Variants in RFX2 observed in about 807,000 individuals in gnomAD.
RFX2 encodes DNA-binding protein RFX2.
Under a neutral mutation model 87.8 loss-of-function variants are expected in RFX2, and 20 were observed. That is an observed-to-expected ratio of 0.23 (90% CI 0.16 to 0.33). The LOEUF is 0.33. RFX2 is among the 10% of genes least tolerant of loss of function. The pLI is 1.00. For synonymous variants in RFX2, 397 were observed against 431.3 expected, an observed-to-expected ratio of 0.92 and a Z score of 0.98; for missense variants, 767 against 1,012.3, an observed-to-expected ratio of 0.76 and a Z score of 3.29.
chr19:6,083,486 C>A lies in RFX2; in HGVS notation c.-9+26907G>T, dbSNP rs1393402280. Among the ~76,000 whole-genome samples the A allele has an allele frequency of 1.3e-5, 2 of 150,678 alleles. No individual in the cohort carries two copies. Among genetic ancestry groups the A allele is most frequent in the East Asian group, 3.9e-4 (2 of 5,148 alleles). On this transcript the variant is annotated intron_variant, in intron 1 of 17. Coordinates refer to ENST00000303657, the MANE Select transcript of RFX2 (RefSeq NM_000635.4). The surrounding 1 kb of genome is among the most constrained non-coding windows in gnomAD (Gnocchi z 4.6). ...AAAAACGCAAAAAATATTCTCAACT[C>A]GTGGAAACTAAAAACAAAAATAAAA...
chr19:6,034,096 G>A (rs1430999987), intron 5 of RFX2, among the ~76,000 whole-genome samples: 2 of 152,160 alleles, frequency 1.3e-5, no homozygotes, highest in Non-Finnish European at 2.9e-5. Context: ...TAGAGACAGA[G>A]TCTTGCTCTG....
chr19:6,041,595 T>G (rs1022659250), intron 4 of RFX2, among the ~76,000 whole-genome samples: 2 of 147,486 alleles, frequency 1.4e-5, no homozygotes, highest in African/African-American at 5.3e-5. Context: ...GAATGAAGAG[T>G]TAGGATTAGC....
chr19:6,035,591 A>G (rs911900982), intron 5 of RFX2, among the ~76,000 whole-genome samples: 4 of 152,198 alleles, frequency 2.6e-5, no homozygotes, highest in Non-Finnish European at 5.9e-5. Context: ...CTCTGTCTTT[A>G]GGACTAAGCG....
chr19:6,084,996 A>C (rs1238470366), intron 1 of RFX2, among the ~76,000 whole-genome samples: 4 of 152,210 alleles, frequency 2.6e-5, no homozygotes, highest in Non-Finnish European at 4.4e-5. Context: ...AGCATAATGC[A>C]TAATGTCCAT....
At chr19:6,080,208 G>GTT (rs1435091308) in intron 1 of RFX2, among the ~76,000 whole-genome samples, 26 of 150,804 alleles carry the variant, frequency 1.7e-4, no homozygotes, top group Admixed American at 4.6e-4. Flanking sequence ...GTTAATGTGT[G>GTT]TGTGTGTGTG....
In RFX2 at chr19:6,064,435, T is replaced by G. The variant is rs1212159239; in HGVS notation, c.-8-16931A>C. On this transcript the variant is annotated intron_variant, in intron 1 of 17. Coordinates refer to ENST00000303657, the MANE Select transcript of RFX2 (RefSeq NM_000635.4). This position sits in a 1 kb window ranked among gnomAD's most constrained non-coding sequence, Gnocchi z 4.8. ...GGAATGTGCCAGTGAAAACCTGGCA[T>G]GCGGAGGCCTCACCTCACTCACCCT... Among the ~76,000 whole-genome samples the G allele has an allele frequency of 6.6e-6, 1 of 152,226 alleles. No homozygotes were observed. The highest frequency in any genetic ancestry group is 2.4e-5 in the African/African-American group (1 of 41,458).
In RFX2 at chr19:6,011,444, G is replaced by T. The variant is rs1159542457; in HGVS notation, c.900-1193C>A. ...GGGAGGCGGGAGACCATGCTGGCGA[G>T]GTGTGTGTAAACCACCTGGCTCAGG... is the stretch of plus-strand genomic sequence containing the variant. On this transcript the variant is annotated intron_variant, in intron 8 of 17. Transcript: ENST00000303657. This position sits in a 1 kb window ranked among gnomAD's most constrained non-coding sequence, Gnocchi z 4.8. Among the ~76,000 whole-genome samples, 1 of 152,210 alleles carries T rather than the reference G, an allele frequency of 6.6e-6. No individual in the cohort carries two copies. The highest frequency in any genetic ancestry group is 1.5e-5 in the Non-Finnish European group (1 of 68,044).
At chr19:6,033,205 C>A (rs669638) in intron 5 of RFX2, among the ~76,000 whole-genome samples, 2,384 of 152,284 alleles carry the variant, frequency 0.016, 49 homozygotes, top group African/African-American at 0.054. Context: ...AATCCACGGA[C>A]GTTATAGAAT....
chr19:6,045,666 GTT>G lies in RFX2; in HGVS notation c.91-1386_91-1385del, dbSNP rs2087177642. On this transcript the variant is annotated intron_variant, in intron 2 of 17. Transcript: ENST00000303657. The surrounding 1 kb of genome is among the most constrained non-coding windows in gnomAD (Gnocchi z 5.2). ...TGTTTTTGCGGAATTGTGTTTTTTT[GTT>G]TTTGTTTTTTTGTGTTTTTTGGGAC... Among the ~76,000 whole-genome samples the G allele has an allele frequency of 6.6e-6, 1 of 151,266 alleles. No individual in the cohort carries two copies. The highest frequency in any genetic ancestry group is 2.5e-5 in the African/African-American group (1 of 40,748).
chr19:6,005,306 G>A (rs553574921), intron 12 of RFX2, among the ~76,000 whole-genome samples: 3 of 152,352 alleles, frequency 2.0e-5, no homozygotes, highest in South Asian at 2.1e-4. Flanking sequence ...TCAACAGGAC[G>A]GAGAGCTGCC....
Position 6,044,213 on chromosome 19 carries a change from C to A in RFX2, c.160G>T (p.Val54Phe). The A allele has an allele frequency of 1.3e-6, 2 of 1,574,658 alleles. No individual in the cohort carries two copies. Among genetic ancestry groups the A allele is most frequent in the Admixed American group, 1.8e-5 (1 of 54,200 alleles). ...AQMQPISLPR[V>F]QQVPQQVQPV... ...ATTACCTGCTGGGGTACCTGCTGAA[C>A]TCTGGGGAGGGAGATCGGCTGCATC... The change falls in exon 3 of 18, where the codon GTT becomes TTT. Residue 54 changes from valine to phenylalanine, a missense_variant. Coordinates refer to ENST00000303657, the MANE Select transcript of RFX2 (RefSeq NM_000635.4). This position sits in a 1 kb window ranked among gnomAD's most constrained non-coding sequence, Gnocchi z 5.3.
At chr19:6,100,687 G>A (rs1350801907) in intron 1 of RFX2, among the ~76,000 whole-genome samples, 1 of 152,140 alleles carries the variant, frequency 6.6e-6, no homozygotes, top group African/African-American at 2.4e-5. Context: ...TTGCGGCCCA[G>A]CCGCTGCTAC....
In RFX2 at chr19:6,040,058, C is replaced by T. The variant is rs143196119; in HGVS notation, c.444G>A (p.Ala148=). The part of the protein sequence containing the change: ...DVGGSPIVSS[A]GAYLIHGGMD... ...TCCCCCCGTGGATGAGATAGGCTCC[C>T]GCGCTGGAGACGATGGGGCTCCCCC... is the stretch of plus-strand genomic sequence containing the variant. Residue 148 remains alanine, a synonymous_variant, in exon 5 of 18, where the codon GCG becomes GCA. Coordinates refer to ENST00000303657, the MANE Select transcript of RFX2 (RefSeq NM_000635.4). The surrounding 1 kb of genome is among the most constrained non-coding windows in gnomAD (Gnocchi z 6.1). The T allele has an allele frequency of 2.8e-5, 45 of 1,611,810 alleles. No homozygotes were observed. In the South Asian group the frequency reaches 3.1e-4, roughly 11 times the overall value.
chr19:6,004,309 C>T lies in RFX2; in HGVS notation c.1403-11G>A, dbSNP rs763703095. 2 of 1,608,024 alleles carry T rather than the reference C, an allele frequency of 1.2e-6. No homozygotes were observed. The highest frequency in any genetic ancestry group is 2.2e-5 in the East Asian group (1 of 44,828). Reference sequence around the variant, plus strand: ...CCTGTGTCAAGGTACCTGGGGGATACAGACCATGATATTACCAGGGAGAAA... The same window carrying T: ...CCTGTGTCAAGGTACCTGGGGGATATAGACCATGATATTACCAGGGAGAAA... On this transcript the variant is annotated splice_polypyrimidine_tract_variant and intron_variant, in intron 12 of 17. Coordinates refer to ENST00000303657, the MANE Select transcript of RFX2 (RefSeq NM_000635.4). This position sits in a 1 kb window ranked among gnomAD's most constrained non-coding sequence, Gnocchi z 4.8.
At position 6,004,869 on chromosome 19, in the gene RFX2, A is replaced by T. The variant is rs1599842424; in HGVS notation, c.1403-571T>A. ...TGTGGTGGCTGACGCCTGTAGTCCC[A>T]GCACTTTGGGAGGCCGAGGTGGGCG... is the stretch of plus-strand genomic sequence containing the variant. On this transcript the variant is annotated intron_variant, in intron 12 of 17. Transcript: ENST00000303657. The surrounding 1 kb of genome is among the most constrained non-coding windows in gnomAD (Gnocchi z 4.8). Among the ~76,000 whole-genome samples the T allele has an allele frequency of 6.6e-6, 1 of 152,118 alleles. No homozygotes were observed. The highest frequency in any genetic ancestry group is 2.1e-4 in the South Asian group (1 of 4,832).
In RFX2 at chr19:6,039,924, G is replaced by A. The variant is rs180823920; in HGVS notation, c.522+56C>T. Reference sequence around the variant, plus strand: ...CCTCTTACTCACCATCCCTGCTGCCGCTGCTTCGAGAATACTCATGGCCTA... The same window carrying A: ...CCTCTTACTCACCATCCCTGCTGCCACTGCTTCGAGAATACTCATGGCCTA... On this transcript the variant is annotated intron_variant, in intron 5 of 17. Coordinates refer to ENST00000303657, the MANE Select transcript of RFX2 (RefSeq NM_000635.4). This position sits in a 1 kb window ranked among gnomAD's most constrained non-coding sequence, Gnocchi z 5.2. 29 of 1,469,666 alleles carry A rather than the reference G, an allele frequency of 2.0e-5. No individual in the cohort carries two copies. In the East Asian group the frequency reaches 2.6e-4, roughly 13 times the overall value. The allele number at this position is 1,469,666 out of a possible 1,614,324, so 91.0% of individuals were successfully genotyped here.
At position 6,012,936 on chromosome 19, in the gene RFX2, T is replaced by A. The variant is rs1357441888; in HGVS notation, c.899+50A>T. ...TTCGTGTTGGAGAAACACCCACCCC[T>A]CCATGCTCCAGGGGAGAGCCAGCTC... On this transcript the variant is annotated intron_variant, in intron 8 of 17. Transcript: ENST00000303657. This position sits in a 1 kb window ranked among gnomAD's most constrained non-coding sequence, Gnocchi z 4.6. 1 of 1,423,944 alleles carries A rather than the reference T, an allele frequency of 7.0e-7. No homozygotes were observed. The highest frequency in any genetic ancestry group is 2.6e-5 in the East Asian group (1 of 38,412). 88.2% of individuals were successfully genotyped at this position (1,423,944 alleles called of 1,614,324 possible).
chr19:6,088,633 A>G (rs1371848048), intron 1 of RFX2, among the ~76,000 whole-genome samples: 2 of 152,192 alleles, frequency 1.3e-5, no homozygotes, highest in African/African-American at 2.4e-5. Context: ...TAACAAAGTA[A>G]ATATTATTCC....
intron 5 of RFX2, among the ~76,000 whole-genome samples, chr19:6,035,085 A>C (rs1176039100): frequency 6.6e-6 from 1 of 152,224 alleles, no homozygotes; most frequent in Non-Finnish European, 1.5e-5. Flanking sequence ...AACTAATAAA[A>C]TGAGAAAAGA....
Sources: allele counts gnomAD v4.1 joint callset (sites outside exome capture counted in the v4.1 genomes callset), GRCh38; gene constraint gnomAD v4.1.1; non-coding constraint Gnocchi (gnomAD v3.1); transcripts MANE v1.5; gene names NCBI Gene and HGNC (gene_info 2026-07-23, HGNC 2026-07-21).